Variants in CFAP47 observed in about 807,000 individuals in gnomAD.
CFAP47 encodes the protein cilia and flagella associated protein 47, also known as cilia- and flagella-associated protein 47.
Under a neutral mutation model 148.1 loss-of-function variants are expected in CFAP47, and 29 were observed. The observed-to-expected ratio is 0.20, with a 90% CI of 0.15 to 0.27. The LOEUF is 0.27. Among genes scored for constraint, CFAP47 ranks in the 10% least tolerant of loss-of-function variants. The probability of loss-of-function intolerance (pLI) is 1.00; values close to 1 mark genes in which losing one functional copy is unlikely to be tolerated. For missense variants in CFAP47, 1,872 were observed against 1,697.5 expected (o/e 1.10, Z -1.81); for synonymous variants, 664 against 577.3 (o/e 1.15, Z -2.15).
chrX:36,055,385 T>G (rs1354630343), intron 26 of CFAP47, among the ~76,000 whole-genome samples: 7 of 110,961 alleles, frequency 6.3e-5, no homozygotes, highest in African/African-American at 2.3e-4. Flanking sequence ...TTCCCATCAT[T>G]CAGTTCCCAC....
chrX:36,076,532 T>A (rs898706693), intron 29 of CFAP47, among the ~76,000 whole-genome samples: 4 of 110,766 alleles, frequency 3.6e-5, no homozygotes, highest in African/African-American at 1.3e-4. Flanking sequence ...CAGTTATATA[T>A]CTCCTTTTGA....
chrX:36,146,758 A>T (rs1204743979), intron 36 of CFAP47, among the ~76,000 whole-genome samples: 2 of 108,792 alleles, frequency 1.8e-5, no homozygotes, highest in African/African-American at 6.8e-5. Context: ...TGGCTACAAA[A>T]TTGAGAAAGT....
Position 35,926,127 on chromosome X carries a change from T to C in CFAP47, c.360T>C (p.Leu120=). 8.3e-7 allele frequency: 1 copy of C among 1,205,325 alleles called. No individual in the cohort carries two copies. Among genetic ancestry groups the C allele is most frequent in the Non-Finnish European group, 1.1e-6 (1 of 890,293 alleles). The change falls in exon 2 of 64, where the codon CTT becomes CTC. Residue 120 remains leucine (L), a synonymous_variant. Transcript: ENST00000378653. ...DKDEDTFDRL[L]ISIENKTTEI... is the part of the protein sequence containing the mutation. ...ACGAAGACACTTTTGACCGGCTACT[T>C]ATTTCAATAGAAAATAAAACAACAG...
At chrX:36,226,483 A>G (rs912142290) in intron 45 of CFAP47, among the ~76,000 whole-genome samples, 1 of 111,638 alleles carries the variant, frequency 9.0e-6, no homozygotes, top group Non-Finnish European at 1.9e-5. Context: ...TATAATATAT[A>G]TCACCCCTAC....
At chrX:36,151,857 T>C (rs1418347990) in intron 37 of CFAP47, among the ~76,000 whole-genome samples, 2 of 112,184 alleles carry the variant, frequency 1.8e-5, no homozygotes, top group South Asian at 7.3e-4. Context: ...AATGTATTTT[T>C]CACAGTTCTG....
Position 36,101,492 on chromosome X carries a change from C to T in CFAP47, c.5127+1613C>T, listed in dbSNP as rs190660040. ...TTTTCAGTTTTCTAGTCATGCAGCA[C>T]CCTCAGAGTAATGAGCAATTTCTCA... On this transcript the variant is annotated intron_variant, in intron 32 of 63. Transcript: ENST00000378653. Among the ~76,000 whole-genome samples the T allele has an allele frequency of 5.9e-3, 657 of 111,466 alleles. 2 individuals are homozygous for T. Among genetic ancestry groups the T allele is most frequent in the Non-Finnish European group, 9.1e-3 (485 of 53,007 alleles).
intron 15 of CFAP47, among the ~76,000 whole-genome samples, chrX:35,987,463 TA>T (rs1167683863): frequency 6.0e-4 from 67 of 111,085 alleles, no homozygotes; most frequent in African/African-American, 2.0e-3. Flanking sequence ...CCTCCCCCAC[TA>T]AGAGCCAGTG....
At chrX:35,925,929 A>G in intron 1 of CFAP47, 88 bp from the exon 2 acceptor site, 1 of 780,738 alleles carries the variant, frequency 1.3e-6, no homozygotes, top group Admixed American at 3.1e-5. Flanking sequence ...TGCTGGGATT[A>G]CAGGCGTGAG....
chrX:35,987,344 G>A (rs1223196852), intron 15 of CFAP47, among the ~76,000 whole-genome samples: 1 of 111,635 alleles, frequency 9.0e-6, no homozygotes, highest in Non-Finnish European at 1.9e-5. Flanking sequence ...TCCAGCTACA[G>A]CAGCTTTGCA....
intron 37 of CFAP47, 150 bp from the exon 38 acceptor site, chrX:36,159,276 A>C (rs1343895281): frequency 3.5e-6 from 1 of 282,905 alleles, no homozygotes; most frequent in Non-Finnish European, 6.2e-6. Context: ...ACCGATGACA[A>C]TAACTAGATT....
intron 57 of CFAP47, among the ~76,000 whole-genome samples, chrX:36,345,977 A>G (rs1224905129): frequency 9.0e-6 from 1 of 111,707 alleles, no homozygotes; most frequent in Non-Finnish European, 1.9e-5. Flanking sequence ...AGTTTAATAA[A>G]ATAATTTTAT....
intron 39 of CFAP47, among the ~76,000 whole-genome samples, chrX:36,165,143 G>A (rs192179774): frequency 8.2e-4 from 92 of 111,727 alleles, no homozygotes; most frequent in African/African-American, 2.7e-3. Context: ...TTTTTAGTCA[G>A]AATAATTTTC....
intron 49 of CFAP47, among the ~76,000 whole-genome samples, chrX:36,261,320 CTT>C (rs143068749): frequency 4.9e-5 from 1 of 20,467 alleles, no homozygotes; most frequent in Non-Finnish European, 8.3e-5. Context: ...AGATACTATT[CTT>C]TTTTTTTTTT....
At chrX:36,264,128 A>G (rs1940862374) in intron 49 of CFAP47, among the ~76,000 whole-genome samples, 1 of 111,463 alleles carries the variant, frequency 9.0e-6, no homozygotes, top group Non-Finnish European at 1.9e-5. Context: ...CTGAGCTGCT[A>G]TCCAAAATGC....
chrX:35,975,227 A>T lies in CFAP47; in HGVS notation c.2335A>T (p.Met779Leu). The T allele has an allele frequency of 8.4e-7, 1 of 1,196,977 alleles. No individual in the cohort carries two copies. Among genetic ancestry groups the T allele is most frequent in the Non-Finnish European group, 1.1e-6 (1 of 882,755 alleles). ...HLLHVINMLP[M>L]HVLLQLDTDL... ...ACTTCATGTTATTAATATGCTACCT[A>T]TGCATGTTTTGCTCCAGTTAGATAC... The change falls in exon 14 of 64, where the codon ATG (methionine) becomes TTG (leucine). Residue 779 changes from methionine (M) to leucine (L), a missense_variant. Coordinates refer to ENST00000378653, the MANE Select transcript of CFAP47 (RefSeq NM_001304548.2).
intron 29 of CFAP47, among the ~76,000 whole-genome samples, chrX:36,079,899 C>T (rs976781529): frequency 3.6e-5 from 4 of 111,798 alleles, no homozygotes; most frequent in East Asian, 2.8e-4. Context: ...ACACCAAAAG[C>T]AATGGCAACA....
chrX:36,220,768 A>C (rs1271507114), intron 45 of CFAP47, among the ~76,000 whole-genome samples: 1 of 111,765 alleles, frequency 8.9e-6, no homozygotes, highest in Non-Finnish European at 1.9e-5. Context: ...ATTTACACGT[A>C]GATAGATAGG....
At chrX:36,066,849 ATCAC>A (rs1425761629) in intron 27 of CFAP47, among the ~76,000 whole-genome samples, 1 of 111,834 alleles carries the variant, frequency 8.9e-6, no homozygotes, top group Non-Finnish European at 1.9e-5. Context: ...AGTAAAATAA[ATCAC>A]TCAACTTCCC....
chrX:35,958,640 A>C (rs1361650737), intron 8 of CFAP47, among the ~76,000 whole-genome samples: 4 of 111,681 alleles, frequency 3.6e-5, no homozygotes, highest in Non-Finnish European at 7.5e-5. Context: ...ATGATGATGA[A>C]TATCTTTTCA....
Sources: allele counts gnomAD v4.1 joint callset (sites outside exome capture counted in the v4.1 genomes callset), GRCh38; gene constraint gnomAD v4.1.1; transcripts MANE v1.5; gene names NCBI Gene and HGNC (gene_info 2026-07-23, HGNC 2026-07-21).